The following PLD5 variants were observed in gnomAD, a reference collection of about 807,000 sequenced individuals.
The protein encoded by PLD5 is phospholipase D family member 5.
PLD5 carries 36 observed loss-of-function variants against 61.1 expected under a neutral mutation model. The observed-to-expected ratio is 0.59, with a 90% CI of 0.45 to 0.78. The LOEUF (loss-of-function observed/expected upper bound fraction) is 0.78, where lower values mean the gene tolerates loss of function less well. PLD5 is among the 30% of genes least tolerant of loss of function. The pLI is 0.00. For synonymous variants in PLD5, 243 were observed against 242.8 expected (o/e 1.00, Z -0.01); for missense variants, 515 against 644.4 (o/e 0.80, Z 2.17).
chr1:242,137,181 G>A (rs1663803444), intron 5 of PLD5, among the ~76,000 whole-genome samples: 1 of 152,168 alleles, frequency 6.6e-6, no homozygotes, highest in African/African-American at 2.4e-5. Context: ...GCTATCATCA[G>A]ACACTCAGCT....
chr1:242,143,578 A>G lies in PLD5; in HGVS notation c.736-18913T>C, dbSNP rs1337320980. ...GACATTCCCAGCAGAAAAACAGCATAAATAAAGGTCGGGAGGTGAGAAATA... is the reference window on the plus strand; with the variant it reads ...GACATTCCCAGCAGAAAAACAGCATGAATAAAGGTCGGGAGGTGAGAAATA... On this transcript the variant is annotated intron_variant, in intron 5 of 9. Coordinates refer to ENST00000536534, the MANE Select transcript of PLD5 (RefSeq NM_001372062.1). Among the ~76,000 whole-genome samples the G allele has an allele frequency of 2.0e-5, 3 of 152,212 alleles. No individual in the cohort carries two copies. The South Asian group carries it at 6.2e-4, about 31-fold the overall frequency.
Position 242,524,655 on chromosome 1 carries a change from C to A in PLD5, c.-379G>T. ...GGCGACGTCGCCCGGCGGCTGCGGT[C>A]CCGAGCGGGCGCTCCGCTCGCCGGC... On this transcript the variant is annotated 5_prime_UTR_variant, in exon 1 of 10. Coordinates refer to ENST00000536534, the MANE Select transcript of PLD5 (RefSeq NM_001372062.1). The A allele has an allele frequency of 6.3e-6, 1 of 158,174 alleles. No individual in the cohort carries two copies. The highest frequency in any genetic ancestry group is 1.9e-4 in the South Asian group (1 of 5,216). The allele number at this position is 158,174 out of a possible 1,614,324, so 9.8% of individuals were successfully genotyped here.
intron 9 of PLD5, among the ~76,000 whole-genome samples, chr1:242,093,453 C>A (rs1481626245): frequency 6.6e-6 from 1 of 152,204 alleles, no homozygotes; most frequent in Non-Finnish European, 1.5e-5. Context: ...TATATCATCT[C>A]ATTACATTAT....
intron 1 of PLD5, among the ~76,000 whole-genome samples, chr1:242,408,223 G>C (rs189231233): frequency 1.3e-5 from 2 of 152,314 alleles, no homozygotes; most frequent in Non-Finnish European, 2.9e-5. Context: ...CCTTGGACAG[G>C]TTCCAGAGAA....
chr1:242,212,246 G>T (rs1669873416), intron 5 of PLD5, among the ~76,000 whole-genome samples: 1 of 152,194 alleles, frequency 6.6e-6, no homozygotes, highest in Admixed American at 6.5e-5. Context: ...AAAGGACAGG[G>T]GATATGCTAC....
At position 242,187,068 on chromosome 1, in the gene PLD5, C is replaced by G. The variant is rs547056449; in HGVS notation, c.735+32920G>C. 2.6e-5 allele frequency among the ~76,000 whole-genome samples: 4 copies of G among 152,328 alleles called. 1 individual carries two copies. The highest frequency in any genetic ancestry group is 9.6e-5 in the African/African-American group (4 of 41,576). Reference sequence around the variant, plus strand: ...ACAGGCATATCCACTATGGCAAACTCTGCCTATTGGTTGATCCAGCATCTG... The same window carrying G: ...ACAGGCATATCCACTATGGCAAACTGTGCCTATTGGTTGATCCAGCATCTG... On this transcript the variant is annotated intron_variant, in intron 5 of 9. Coordinates refer to ENST00000536534, the MANE Select transcript of PLD5 (RefSeq NM_001372062.1).
intron 1 of PLD5, among the ~76,000 whole-genome samples, chr1:242,384,030 T>C (rs916033291): frequency 6.6e-6 from 1 of 152,220 alleles, no homozygotes; most frequent in African/African-American, 2.4e-5. Context: ...AAAATCCCGC[T>C]GACTTCGGCA....
Position 242,256,108 on chromosome 1 carries a change from A to G in PLD5, c.607+9229T>C, listed in dbSNP as rs1400254223. On this transcript the variant is annotated intron_variant, in intron 4 of 9. Coordinates refer to ENST00000536534, the MANE Select transcript of PLD5 (RefSeq NM_001372062.1). This position sits in a 1 kb window ranked among gnomAD's most constrained non-coding sequence, Gnocchi z 5.7. Reference sequence around the variant, plus strand: ...CTTGCTATATAGTGCTAATGAGGGAAAGTTGGGGTCACTTTTAAACTGGGT... The same window carrying G: ...CTTGCTATATAGTGCTAATGAGGGAGAGTTGGGGTCACTTTTAAACTGGGT... 6.6e-6 allele frequency among the ~76,000 whole-genome samples: 1 copy of G among 152,102 alleles called. No individual in the cohort carries two copies. The highest frequency in any genetic ancestry group is 2.4e-5 in the African/African-American group (1 of 41,426).
At chr1:242,263,772 A>G (rs79337960) in intron 4 of PLD5, among the ~76,000 whole-genome samples, 16,658 of 152,204 alleles carry the variant, frequency 0.11, 1,756 homozygotes, top group East Asian at 0.46. Flanking sequence ...ATGAAATTTT[A>G]ACATATAGTT....
chr1:242,274,557 A>T (rs1674302064), intron 3 of PLD5, among the ~76,000 whole-genome samples: 1 of 152,184 alleles, frequency 6.6e-6, no homozygotes, highest in Admixed American at 6.5e-5. Context: ...GATCGAGACC[A>T]TCCTGGCTAA....
intron 5 of PLD5, among the ~76,000 whole-genome samples, chr1:242,207,758 T>TTATATATATTTATATTTATA (rs1553324748): frequency 1.8e-5 from 1 of 55,392 alleles, no homozygotes; most frequent in East Asian, 8.5e-4. Context: ...TTATATATAT[T>TTATATATATTTATATTTATA]TATATTTATA....
intron 5 of PLD5, among the ~76,000 whole-genome samples, chr1:242,198,407 C>T (rs190792198): frequency 2.0e-5 from 3 of 151,988 alleles, no homozygotes; most frequent in South Asian, 2.1e-4. Flanking sequence ...GTGACTTCTG[C>T]GGTAGAAGCA....
intron 1 of PLD5, among the ~76,000 whole-genome samples, chr1:242,520,834 G>A (rs1337047845): frequency 1.3e-5 from 2 of 152,204 alleles, no homozygotes; most frequent in African/African-American, 4.8e-5. Context: ...GGGTGGATTA[G>A]AGGGTTTGGA....
At chr1:242,448,280 T>G (rs1408995626) in intron 1 of PLD5, among the ~76,000 whole-genome samples, 1 of 152,172 alleles carries the variant, frequency 6.6e-6, no homozygotes, top group Non-Finnish European at 1.5e-5. Flanking sequence ...AGATCTGGTT[T>G]CCAATTTCCC....
At chr1:242,494,878 CTGT>C (rs1668315930) in intron 1 of PLD5, among the ~76,000 whole-genome samples, 1 of 135,890 alleles carries the variant, frequency 7.4e-6, no homozygotes, top group African/African-American at 2.8e-5. Context: ...TTTTTCTTTT[CTGT>C]TTTTTTTTTT....
At chr1:242,396,432 T>C (rs1179209200) in intron 1 of PLD5, among the ~76,000 whole-genome samples, 1 of 152,116 alleles carries the variant, frequency 6.6e-6, no homozygotes, top group Non-Finnish European at 1.5e-5. Flanking sequence ...TACCATCTCA[T>C]TTCTTTCCTT....
At chr1:242,240,980 CAGAACAGAA>C (rs1671963303) in intron 4 of PLD5, among the ~76,000 whole-genome samples, 1 of 151,948 alleles carries the variant, frequency 6.6e-6, no homozygotes, top group Non-Finnish European at 1.5e-5. Context: ...AAATGCTGGG[CAGAACAGAA>C]ATTTAGATAA....
At chr1:242,280,283 C>T (rs1311875502) in intron 3 of PLD5, among the ~76,000 whole-genome samples, 2 of 152,148 alleles carry the variant, frequency 1.3e-5, no homozygotes, top group Non-Finnish European at 2.9e-5. Context: ...TATGATCTTT[C>T]CCCTGTAGTA....
At chr1:242,196,294 C>T (rs1280320410) in intron 5 of PLD5, among the ~76,000 whole-genome samples, 7 of 152,176 alleles carry the variant, frequency 4.6e-5, no homozygotes, top group African/African-American at 9.7e-5. Flanking sequence ...CTTGCCCTCA[C>T]GCGCTGTCGG....
Sources: allele counts gnomAD v4.1 joint callset (sites outside exome capture counted in the v4.1 genomes callset), GRCh38; gene constraint gnomAD v4.1.1; non-coding constraint Gnocchi (gnomAD v3.1); transcripts MANE v1.5; gene names NCBI Gene and HGNC (gene_info 2026-07-23, HGNC 2026-07-21).